SGCD: variants seen among roughly 807,000 people sequenced by gnomAD.
The protein encoded by SGCD is sarcoglycan delta.
Under a neutral mutation model 36.6 loss-of-function variants are expected in SGCD, and 18 were observed. That is an observed-to-expected ratio of 0.49 (90% CI 0.34 to 0.73). SGCD has a LOEUF of 0.73. SGCD is among the 30% of genes least tolerant of loss of function. The pLI is 0.01. For missense variants in SGCD, 387 were observed against 346.7 expected (o/e 1.12, Z -0.92); for synonymous variants, 133 against 130.6 (o/e 1.02, Z -0.12).
chr5:155,952,685 G>A (rs1407588334), intron 1 of SGCD, among the ~76,000 whole-genome samples: 1 of 152,128 alleles, frequency 6.6e-6, no homozygotes, highest in Non-Finnish European at 1.5e-5. Context: ...ATAAGCCACC[G>A]TCAGCCCCTA....
rs550697906 is a variant in SGCD at position 156,742,798 on chromosome 5, T to TAGGCAGGC, written c.576-14773_576-14766dup. Among the ~76,000 whole-genome samples, 4 of 152,268 alleles carry TAGGCAGGC rather than the reference T, an allele frequency of 2.6e-5. 1 individual carries two copies. Among genetic ancestry groups the TAGGCAGGC allele is most frequent in the Admixed American group, 1.3e-4 (2 of 15,286 alleles). On this transcript the variant is annotated intron_variant, in intron 7 of 8. Coordinates refer to ENST00000337851, the MANE Select transcript of SGCD (RefSeq NM_000337.6). ...GAAGGCAGAAGACTAATGTCTCAAG[T>TAGGCAGGC]AGGCAGGCAGGCAGGCAACGTTATC... is the stretch of plus-strand genomic sequence containing the variant.
intron 5 of SGCD, among the ~76,000 whole-genome samples, chr5:156,593,907 G>C (rs908443028): frequency 6.6e-6 from 1 of 152,162 alleles, no homozygotes; most frequent in African/African-American, 2.4e-5. Context: ...AAAAGTATAA[G>C]ATTTCTAGAC....
intron 3 of SGCD, among the ~76,000 whole-genome samples, chr5:156,203,611 A>G (rs1213305929): frequency 1.3e-5 from 2 of 152,188 alleles, no homozygotes; most frequent in Non-Finnish European, 1.5e-5. Context: ...GGAAATAAAG[A>G]TGGATCATCA....
chr5:155,734,797 C>T, the SGCD span, among the ~76,000 whole-genome samples: 9 of 152,188 alleles, frequency 5.9e-5, no homozygotes, highest in Admixed American at 5.9e-4. Flanking sequence ...CCATCCCCTG[C>T]TGCAATTGCT....
Position 156,486,060 on chromosome 5 carries a change from C to T in SGCD, c.193-22541C>T, listed in dbSNP as rs187913845. Reference sequence around the variant, plus strand: ...ACTAGGTCCCACATCTCTCCAAAGACCCAAGCAACTGTAGCATGATGCCAT... The same window carrying T: ...ACTAGGTCCCACATCTCTCCAAAGATCCAAGCAACTGTAGCATGATGCCAT... On this transcript the variant is annotated intron_variant, in intron 3 of 8. Coordinates refer to ENST00000337851, the MANE Select transcript of SGCD (RefSeq NM_000337.6). Among the ~76,000 whole-genome samples the T allele has an allele frequency of 4.6e-3, 695 of 152,216 alleles. 4 individuals are homozygous for T. The highest frequency in any genetic ancestry group is 0.016 in the African/African-American group (656 of 41,542).
At chr5:156,197,761 A>G (rs991265354) in intron 3 of SGCD, among the ~76,000 whole-genome samples, 6 of 151,932 alleles carry the variant, frequency 3.9e-5, no homozygotes, top group Non-Finnish European at 8.8e-5. Flanking sequence ...TCTTTGATTC[A>G]TTATTTTGTC....
At chr5:155,752,800 C>T in the SGCD span, among the ~76,000 whole-genome samples, 1 of 152,110 alleles carries the variant, frequency 6.6e-6, no homozygotes, top group Non-Finnish European at 1.5e-5. Context: ...TGTCAGGAAC[C>T]CCTTAAGCTT....
intron 3 of SGCD, among the ~76,000 whole-genome samples, chr5:156,424,568 A>G (rs1773581171): frequency 1.3e-5 from 2 of 152,108 alleles, no homozygotes; most frequent in South Asian, 2.1e-4. Context: ...GAGTAATAGC[A>G]TCAATATATC....
chr5:156,056,526 G>T (rs980333447), intron 1 of SGCD, among the ~76,000 whole-genome samples: 1 of 143,220 alleles, frequency 7.0e-6, no homozygotes, highest in Non-Finnish European at 1.6e-5. Flanking sequence ...AGCTAGTTCT[G>T]CCATCTCACC....
At chr5:156,674,788 G>A (rs1393107941) in intron 7 of SGCD, among the ~76,000 whole-genome samples, 4 of 152,120 alleles carry the variant, frequency 2.6e-5, no homozygotes, top group African/African-American at 9.7e-5. Flanking sequence ...GACCAGCATC[G>A]ACTCCTTTTT....
chr5:155,861,617 T>C, the SGCD span, among the ~76,000 whole-genome samples: 2 of 151,964 alleles, frequency 1.3e-5, no homozygotes, highest in African/African-American at 2.4e-5. Context: ...ACTCAGGAGG[T>C]TGAGGCAGGA....
chr5:156,404,758 T>C (rs1772324952), intron 3 of SGCD, among the ~76,000 whole-genome samples: 1 of 152,254 alleles, frequency 6.6e-6, no homozygotes, highest in African/African-American at 2.4e-5. Context: ...AATTTTAAAA[T>C]ATATCCTTTA....
intron 3 of SGCD, among the ~76,000 whole-genome samples, chr5:156,260,671 T>G (rs1038630247): frequency 6.6e-6 from 1 of 152,154 alleles, no homozygotes; most frequent in East Asian, 1.9e-4. Context: ...CTGTATGTGT[T>G]TTATTTCTTG....
At chr5:156,745,435 G>C (rs374735532) in intron 7 of SGCD, among the ~76,000 whole-genome samples, 10 of 152,350 alleles carry the variant, frequency 6.6e-5, no homozygotes, top group African/African-American at 2.4e-4. Flanking sequence ...GGTGGCACCA[G>C]TGAGTGATGG....
At chr5:156,510,980 G>A (rs913670067) in intron 4 of SGCD, among the ~76,000 whole-genome samples, 3 of 152,206 alleles carry the variant, frequency 2.0e-5, no homozygotes, top group South Asian at 2.1e-4. Context: ...GAAATTGACA[G>A]ACAGCTGATC....
intron 3 of SGCD, among the ~76,000 whole-genome samples, chr5:156,129,827 T>G (rs1363509436): frequency 3.3e-5 from 5 of 152,340 alleles, no homozygotes; most frequent in African/African-American, 9.6e-5. Context: ...ATGTTGTTCT[T>G]TTTTATGGCT....
At chr5:156,639,332 C>T (rs1156505582) in intron 6 of SGCD, among the ~76,000 whole-genome samples, 2 of 152,100 alleles carry the variant, frequency 1.3e-5, no homozygotes, top group African/African-American at 4.8e-5. Context: ...CATGGAGAAC[C>T]CTGAACTTTA....
chr5:156,227,698 T>C (rs1033762613), intron 3 of SGCD, among the ~76,000 whole-genome samples: 1 of 152,040 alleles, frequency 6.6e-6, no homozygotes, highest in Non-Finnish European at 1.5e-5. Context: ...GATTGATTTG[T>C]TCTTGTTTCT....
At chr5:156,581,259 C>A (rs1031042855) in intron 4 of SGCD, among the ~76,000 whole-genome samples, 1 of 152,180 alleles carries the variant, frequency 6.6e-6, no homozygotes, top group Non-Finnish European at 1.5e-5. Context: ...TGCAGAACAG[C>A]AAATATTGCT....
Sources: gnomAD v4.1 joint callset for allele counts (sites outside exome capture counted in the v4.1 genomes callset) on GRCh38, gnomAD v4.1.1 for gene constraint, MANE v1.5 for transcripts, NCBI Gene and HGNC (gene_info 2026-07-23, HGNC 2026-07-21) for gene names.